NGLY1: variants seen among roughly 807,000 people sequenced by gnomAD.
The protein encoded by NGLY1 is peptide-N(4)-(N-acetyl-beta-glucosaminyl)asparagine amidase.
In NGLY1, 68 loss-of-function variants were observed where a neutral mutation model predicts 84.6. That is an observed-to-expected ratio of 0.80 (90% CI 0.66 to 0.98). The LOEUF (loss-of-function observed/expected upper bound fraction) is 0.98. Among genes scored for constraint, NGLY1 ranks in the 50% least tolerant of loss-of-function variants. The pLI is 0.00. For missense variants in NGLY1, 779 were observed against 770.2 expected (o/e 1.01, Z -0.14); for synonymous variants, 280 against 275.2 (o/e 1.02, Z -0.17).
chr3:25,778,739 T>C (rs763363361), intron 1 of NGLY1, 51 bp from the exon 2 acceptor site: 4 of 1,106,614 alleles, frequency 3.6e-6, no homozygotes, highest in Non-Finnish European at 5.4e-6. Context: ...AGGTCATAGT[T>C]CTTCAAAGAC....
At chr3:25,732,891 C>A (rs1342762390) in intron 8 of NGLY1, among the ~76,000 whole-genome samples, 1 of 152,184 alleles carries the variant, frequency 6.6e-6, no homozygotes, top group East Asian at 1.9e-4. Flanking sequence ...GCTGTAAAGG[C>A]AGCCAGAACT....
At chr3:25,761,555 G>GT in intron 3 of NGLY1, among the ~76,000 whole-genome samples, 1 of 152,150 alleles carries the variant, frequency 6.6e-6, no homozygotes, top group East Asian at 1.9e-4. Flanking sequence ...AAAAAAGACA[G>GT]TAACAATGGT....
chr3:25,763,194 G>A (rs1707398102), intron 3 of NGLY1, among the ~76,000 whole-genome samples: 2 of 152,120 alleles, frequency 1.3e-5, no homozygotes, highest in African/African-American at 4.8e-5. Flanking sequence ...GCTTTCCTGA[G>A]CCAGGACACT....
chr3:25,754,787 GC>G (rs1706945975), intron 3 of NGLY1: 23 of 272,418 alleles, frequency 8.4e-5, no homozygotes, highest in African/African-American at 4.9e-4. Flanking sequence ...GATGACTCGT[GC>G]TTTTTTTTTT....
intron 5 of NGLY1, 35 bp downstream of exon 5, chr3:25,739,542 G>C (rs1423081614): frequency 1.3e-6 from 2 of 1,574,942 alleles, no homozygotes; most frequent in Non-Finnish European, 1.7e-6. Context: ...ATTTCATTAA[G>C]AGATTATTCT....
At chr3:25,757,286 C>CA (rs1707090274) in intron 3 of NGLY1, among the ~76,000 whole-genome samples, 1 of 152,094 alleles carries the variant, frequency 6.6e-6, no homozygotes, top group Admixed American at 6.5e-5. Context: ...TGAATGTTCT[C>CA]AGGGAGGAAG....
chr3:25,753,752 AAAG>A (rs1251475093), intron 3 of NGLY1, among the ~76,000 whole-genome samples: 6 of 152,206 alleles, frequency 3.9e-5, no homozygotes, highest in African/African-American at 1.4e-4. Context: ...AACAGGGAGA[AAAG>A]AAAAAAAAGC....
In NGLY1 at chr3:25,755,871, TG is replaced by T. The variant is rs1289292414; in HGVS notation, c.493-4609del. ...CTTCAATTACAAACAGTTAAGTACTTGTTTCTTAATAGTTTCATTAATGTTG... is the reference window on the plus strand; with the variant it reads ...CTTCAATTACAAACAGTTAAGTACTTTTTCTTAATAGTTTCATTAATGTTG... On this transcript the variant is annotated intron_variant, in intron 3 of 11. Coordinates refer to ENST00000280700, the MANE Select transcript of NGLY1 (RefSeq NM_018297.4). 1.1e-4 allele frequency among the ~76,000 whole-genome samples: 17 copies of T among 152,284 alleles called. No individual in the cohort carries two copies. The East Asian group carries it at 3.3e-3, about 29-fold the overall frequency.
intron 2 of NGLY1, among the ~76,000 whole-genome samples, chr3:25,771,910 T>C (rs2125307386): frequency 1.3e-5 from 2 of 152,360 alleles, no homozygotes; most frequent in Middle Eastern, 6.8e-3. Context: ...AATTCATTTA[T>C]CAGCTGTAGG....
intron 1 of NGLY1, among the ~76,000 whole-genome samples, chr3:25,780,845 C>T (rs907698770): frequency 3.3e-5 from 5 of 151,856 alleles, no homozygotes; most frequent in African/African-American, 4.8e-5. Context: ...ATCCTTCTAC[C>T]TGGGGTGTCC....
Position 25,736,169 on chromosome 3 carries a change from G to T in NGLY1, c.1004-20C>A. ...CATGGTCTACTCAAGTAAGAGAAAA[G>T]AGAGCAATGGAAAAAAGACAATGAA... is the stretch of plus-strand genomic sequence containing the variant. On this transcript the variant is annotated intron_variant, in intron 6 of 11. Coordinates refer to ENST00000280700, the MANE Select transcript of NGLY1 (RefSeq NM_018297.4). 6.2e-7 allele frequency: 1 copy of T among 1,605,854 alleles called. No individual in the cohort carries two copies. The highest frequency in any genetic ancestry group is 8.5e-7 in the Non-Finnish European group (1 of 1,176,290).
rs1272516316 is a variant in NGLY1, at chr3:25,729,332, C to T, written c.1426-14G>A. The T allele has an allele frequency of 7.5e-7, 1 of 1,338,132 alleles. No homozygotes were observed. Among genetic ancestry groups the T allele is most frequent in the Non-Finnish European group, 9.7e-7 (1 of 1,028,130 alleles). The allele number at this position is 1,338,132 out of a possible 1,614,324, so 82.9% of individuals were successfully genotyped here. A position where few individuals can be genotyped will look rare whatever the true frequency, so the allele number is the denominator to read the frequency against. On this transcript the variant is annotated splice_polypyrimidine_tract_variant and intron_variant, in intron 9 of 11. Coordinates refer to ENST00000280700, the MANE Select transcript of NGLY1 (RefSeq NM_018297.4). ...GGTTTCTTTTCTCTTAAAAAGAAAG[C>T]AGAATTAGTTTTTCAACATTATGAA...
At chr3:25,741,117 A>T (rs1344433732) in intron 4 of NGLY1, among the ~76,000 whole-genome samples, 4 of 150,040 alleles carry the variant, frequency 2.7e-5, no homozygotes, top group African/African-American at 4.9e-5. Context: ...GACAGAGCGA[A>T]ACTCTGTCTC....
chr3:25,764,760 C>A (rs1707482531), intron 2 of NGLY1, among the ~76,000 whole-genome samples: 1 of 152,142 alleles, frequency 6.6e-6, no homozygotes, highest in African/African-American at 2.4e-5. Flanking sequence ...ATAAAACCAA[C>A]AAGAAGTTAT....
In NGLY1 at chr3:25,739,643, T is replaced by G. The variant is rs1553654532; in HGVS notation, c.815A>C (p.Lys272Thr). ...ATCTTCCACTTCCTTTGCACCCCAC[T>G]TCAGCTCATCATCACTGGGCAGTAA... Reference protein sequence around the residue: ...RSLLPSDDELKWGAKEVEDHY... With the variant: ...RSLLPSDDELTWGAKEVEDHY... Residue 272 changes from lysine to threonine, a missense_variant, in exon 5 of 12, where the codon AAG becomes ACG. By Grantham distance (78) the Lys-to-Thr change is moderately conservative. Transcript: ENST00000280700. 2 of 1,613,992 alleles carry G rather than the reference T, an allele frequency of 1.2e-6. No homozygotes were observed. Among genetic ancestry groups the G allele is most frequent in the Non-Finnish European group, 1.7e-6 (2 of 1,180,006 alleles).
chr3:25,749,517 C>T (rs1347300893), intron 4 of NGLY1: 17 of 1,580,288 alleles, frequency 1.1e-5, no homozygotes, highest in Admixed American at 1.7e-5. Context: ...TTGTGAAGCC[C>T]AAGATCATCA....
intron 4 of NGLY1, 66 bp from the exon 5 acceptor site, chr3:25,739,865 T>C: frequency 8.3e-7 from 1 of 1,204,278 alleles, no homozygotes; most frequent in Non-Finnish European, 1.2e-6. Context: ...CCAAACATAT[T>C]TATTCTCAAA....
At chr3:25,733,779 C>A in intron 8 of NGLY1, 93 bp downstream of exon 8, 2 of 600,090 alleles carry the variant, frequency 3.3e-6, no homozygotes, top group Non-Finnish European at 5.5e-6. Flanking sequence ...AACAATGCTA[C>A]TACTTTAAGA....
At chr3:25,732,548 A>G in intron 8 of NGLY1, 65 bp from the exon 9 acceptor site, 1 of 1,207,444 alleles carries the variant, frequency 8.3e-7, no homozygotes, top group African/African-American at 1.5e-5. Flanking sequence ...ATCTCTAAGC[A>G]AGAATATACT....
Sources: gnomAD v4.1 joint callset for allele counts (sites outside exome capture counted in the v4.1 genomes callset) on GRCh38, gnomAD v4.1.1 for gene constraint, MANE v1.5 for transcripts, NCBI Gene and HGNC (gene_info 2026-07-23, HGNC 2026-07-21) for gene names.